The following CAB39 variants were observed in gnomAD, a reference collection of about 807,000 sequenced individuals.
The protein encoded by CAB39 is calcium-binding protein 39.
In CAB39, 8 loss-of-function variants were observed where a neutral mutation model predicts 40.0. That is an observed-to-expected ratio of 0.20 (90% CI 0.12 to 0.36). The LOEUF is 0.36. Among genes scored for constraint, CAB39 ranks in the 10% least tolerant of loss-of-function variants. CAB39 has a pLI of 1.00. For synonymous variants in CAB39, 156 were observed against 141.6 expected, an observed-to-expected ratio of 1.10 and a Z score of -0.72; for missense variants, 270 against 401.1, an observed-to-expected ratio of 0.67 and a Z score of 2.79.
At chr2:230,726,339 T>A (rs967753595) in intron 1 of CAB39, among the ~76,000 whole-genome samples, 13 of 142,010 alleles carry the variant, frequency 9.2e-5, no homozygotes, top group Non-Finnish European at 7.6e-5. Context: ...ATTTTTTGTA[T>A]TTTTTTTTTT....
intron 2 of CAB39, among the ~76,000 whole-genome samples, chr2:230,780,908 C>G (rs892099810): frequency 6.6e-6 from 1 of 151,922 alleles, no homozygotes; most frequent in African/African-American, 2.4e-5. Flanking sequence ...ATAATGAGAC[C>G]CCATTGCTAC....
intron 8 of CAB39, 28 bp from the exon 9 acceptor site, chr2:230,818,488 T>G (rs989876866): frequency 1.0e-5 from 16 of 1,601,184 alleles, no homozygotes; most frequent in Non-Finnish European, 1.4e-5. Flanking sequence ...CCTTTCTCTG[T>G]GCCTCATGTG....
At chr2:230,715,819 C>T (rs973829178) in intron 1 of CAB39, among the ~76,000 whole-genome samples, 7 of 152,192 alleles carry the variant, frequency 4.6e-5, no homozygotes, top group Non-Finnish European at 1.0e-4. Context: ...CCTCTCACCT[C>T]AGCCTCCTGT....
At chr2:230,775,008 T>C (rs1695561217) in intron 2 of CAB39, among the ~76,000 whole-genome samples, 1 of 152,210 alleles carries the variant, frequency 6.6e-6, no homozygotes, top group Non-Finnish European at 1.5e-5. Context: ...TTCATTTACT[T>C]TGATATAGAA....
rs184731681 is a variant in CAB39, at chr2:230,794,258, C to T, written c.398+927C>T. ...AGTGTGAGTCAGTGCCTGTGTTGCA[C>T]GCCAGCGTTCTGTTTCCCTCTTTCT... On this transcript the variant is annotated intron_variant, in intron 4 of 8. Transcript: ENST00000258418. Among the ~76,000 whole-genome samples, 273 of 152,236 alleles carry T rather than the reference C, an allele frequency of 1.8e-3. 1 individual carries two copies. The highest frequency in any genetic ancestry group is 2.9e-3 in the Non-Finnish European group (196 of 67,958).
At chr2:230,732,733 C>T (rs1172604951) in intron 1 of CAB39, among the ~76,000 whole-genome samples, 2 of 151,548 alleles carry the variant, frequency 1.3e-5, no homozygotes, top group African/African-American at 4.9e-5. Flanking sequence ...GATTATTCAG[C>T]AATGAGAGCA....
Position 230,817,777 on chromosome 2 carries a change from T to C in CAB39, c.717T>C (p.Asp239=), listed in dbSNP as rs773982954. The change falls in exon 8 of 9, where the codon GAT becomes GAC. Residue 239 remains aspartate, a synonymous_variant. Coordinates refer to ENST00000258418, the MANE Select transcript of CAB39 (RefSeq NM_016289.4). ...AGCTTCTCGGTGAACTACTACTAGA[T>C]AGACACAACTTCACAATTATGACAA... The part of the protein sequence containing the change: ...SLKLLGELLL[D]RHNFTIMTKY... 1.9e-6 allele frequency: 3 copies of C among 1,609,042 alleles called. No homozygotes were observed. Among genetic ancestry groups the C allele is most frequent in the African/African-American group, 2.7e-5 (2 of 74,544 alleles).
At chr2:230,804,401 G>T (rs1221046298) in intron 5 of CAB39, among the ~76,000 whole-genome samples, 4 of 152,012 alleles carry the variant, frequency 2.6e-5, no homozygotes, top group Non-Finnish European at 5.9e-5. Flanking sequence ...TAGATAAATG[G>T]GATCTAAATA....
At chr2:230,724,819 G>A (rs1331990097) in intron 1 of CAB39, among the ~76,000 whole-genome samples, 1 of 142,622 alleles carries the variant, frequency 7.0e-6, no homozygotes, top group Non-Finnish European at 1.5e-5. Flanking sequence ...GACAGTGACT[G>A]TTGTGCCAAA....
At chr2:230,718,789 G>A (rs1463569742) in intron 1 of CAB39, among the ~76,000 whole-genome samples, 4 of 152,196 alleles carry the variant, frequency 2.6e-5, no homozygotes, top group South Asian at 4.1e-4. Context: ...GAGGCCCACC[G>A]TAACTAGAGC....
intron 2 of CAB39, among the ~76,000 whole-genome samples, chr2:230,762,815 T>C (rs1401042350): frequency 6.6e-6 from 1 of 152,236 alleles, no homozygotes; most frequent in African/African-American, 2.4e-5. Context: ...TGCTCTTTCG[T>C]AGCTTCCGTT....
intron 1 of CAB39, among the ~76,000 whole-genome samples, chr2:230,743,405 A>G (rs191491089): frequency 8.6e-4 from 131 of 152,292 alleles, no homozygotes; most frequent in South Asian, 2.7e-3. Flanking sequence ...ATGACCCCCT[A>G]CTGACTCCAG....
At chr2:230,759,758 A>C (rs922503752) in intron 1 of CAB39, among the ~76,000 whole-genome samples, 3 of 152,210 alleles carry the variant, frequency 2.0e-5, no homozygotes, top group African/African-American at 7.2e-5. Context: ...TGTTTTGAAA[A>C]ATACAGTGTT....
intron 1 of CAB39, among the ~76,000 whole-genome samples, chr2:230,740,430 A>G (rs1694856008): frequency 6.6e-6 from 1 of 152,242 alleles, no homozygotes; most frequent in South Asian, 2.1e-4. Flanking sequence ...CTAAATCAGA[A>G]GGAATTGAAT....
chr2:230,807,588 T>C (rs1433708463), intron 5 of CAB39, among the ~76,000 whole-genome samples: 1 of 152,178 alleles, frequency 6.6e-6, no homozygotes, highest in Non-Finnish European at 1.5e-5. Context: ...AGTTTCCAGA[T>C]GGTAACACAT....
At chr2:230,793,642 A>G (rs1695928147) in intron 4 of CAB39, among the ~76,000 whole-genome samples, 1 of 152,228 alleles carries the variant, frequency 6.6e-6, no homozygotes, top group African/African-American at 2.4e-5. Flanking sequence ...AAAAAAGTTG[A>G]ATTTCATTGA....
Position 230,730,265 on chromosome 2 carries a change from C to T in CAB39, c.-44+17035C>T, listed in dbSNP as rs187509396. Reference sequence around the variant, plus strand: ...CTGGGACTGCAGGTGCACACCACCACACCGAGTTAATTTTTGTAGTTTTTG... The same window carrying T: ...CTGGGACTGCAGGTGCACACCACCATACCGAGTTAATTTTTGTAGTTTTTG... On this transcript the variant is annotated intron_variant, in intron 1 of 8. Transcript: ENST00000258418. Among the ~76,000 whole-genome samples, 26 of 152,182 alleles carry T rather than the reference C, an allele frequency of 1.7e-4. No homozygotes were observed. The East Asian group carries it at 5.0e-3, about 29-fold the overall frequency.
chr2:230,769,560 A>G (rs934158887), intron 2 of CAB39, among the ~76,000 whole-genome samples: 3 of 152,236 alleles, frequency 2.0e-5, no homozygotes, highest in South Asian at 2.1e-4. Flanking sequence ...TATACAATGG[A>G]TGTTCCAAGA....
chr2:230,740,775 T>C (rs554731447), intron 1 of CAB39, among the ~76,000 whole-genome samples: 2 of 152,134 alleles, frequency 1.3e-5, no homozygotes, highest in Non-Finnish European at 1.5e-5. Context: ...CCTCCTCTGT[T>C]ACTAGCAGGT....
Sources: gnomAD v4.1 joint callset for allele counts (sites outside exome capture counted in the v4.1 genomes callset) on GRCh38, gnomAD v4.1.1 for gene constraint, MANE v1.5 for transcripts, NCBI Gene and HGNC (gene_info 2026-07-23, HGNC 2026-07-21) for gene names.